Variants in ASAP1 observed in about 807,000 individuals in gnomAD.
ASAP1 encodes the protein ArfGAP with SH3 domain, ankyrin repeat and PH domain 1, also known as arf-GAP with SH3 domain, ANK repeat and PH domain-containing protein 1.
A neutral mutation model predicts 145.2 loss-of-function variants in ASAP1; 43 were observed. The ratio of observed to expected loss-of-function variants is 0.30; its 90% CI spans 0.23 to 0.38. ASAP1 has a LOEUF of 0.38. Ranked by LOEUF, ASAP1 falls within the 10% of genes least tolerant of loss-of-function variation. The pLI, the probability that ASAP1 is intolerant of heterozygous loss-of-function variation, is 1.00. For synonymous variants in ASAP1, 546 were observed against 515.5 expected (o/e 1.06, Z -0.80); for missense variants, 1,018 against 1,355.3 (o/e 0.75, Z 3.91).
At chr8:130,326,771 G>C (rs1031558529) in intron 3 of ASAP1, among the ~76,000 whole-genome samples, 5 of 152,184 alleles carry the variant, frequency 3.3e-5, no homozygotes, top group Admixed American at 2.6e-4. Flanking sequence ...ACATTTAAAA[G>C]CAAAGCATTA....
intron 3 of ASAP1, among the ~76,000 whole-genome samples, chr8:130,333,368 G>A (rs776525594): frequency 1.7e-4 from 26 of 152,322 alleles, no homozygotes; most frequent in African/African-American, 5.5e-4. Flanking sequence ...TTGGGAGGCC[G>A]AGGTGGATGG....
intron 7 of ASAP1, among the ~76,000 whole-genome samples, chr8:130,182,288 A>G (rs1489422439): frequency 6.6e-6 from 1 of 152,250 alleles, no homozygotes; most frequent in Non-Finnish European, 1.5e-5. Flanking sequence ...GCATAAGAAC[A>G]GATAATCTCC....
chr8:130,107,923 CAGG>C (rs1177355307), intron 24 of ASAP1, among the ~76,000 whole-genome samples: 1 of 152,184 alleles, frequency 6.6e-6, no homozygotes, highest in East Asian at 1.9e-4. Context: ...AAAGGCTTCT[CAGG>C]AGTTCACAGC....
chr8:130,420,454 T>A (rs1829674600), intron 1 of ASAP1, among the ~76,000 whole-genome samples: 1 of 152,094 alleles, frequency 6.6e-6, no homozygotes, highest in South Asian at 2.1e-4. Flanking sequence ...TACATTCAAA[T>A]AAATACTTGT....
chr8:130,291,797 C>A (rs980919045), intron 3 of ASAP1, among the ~76,000 whole-genome samples: 2 of 152,152 alleles, frequency 1.3e-5, no homozygotes, highest in African/African-American at 4.8e-5. Flanking sequence ...CCCAAGATGC[C>A]ATATGTTAAA....
At chr8:130,188,427 C>G (rs1814892128) in intron 5 of ASAP1, among the ~76,000 whole-genome samples, 1 of 151,906 alleles carries the variant, frequency 6.6e-6, no homozygotes, top group African/African-American at 2.4e-5. Context: ...GAGTGAGGAG[C>G]TAAGATTTGA....
chr8:130,172,900 A>T (rs1298499378), intron 9 of ASAP1, among the ~76,000 whole-genome samples: 2 of 152,360 alleles, frequency 1.3e-5, no homozygotes, highest in South Asian at 4.1e-4. Context: ...AGACTGTTAC[A>T]TACCCAGATT....
At chr8:130,230,361 T>G (rs1817840112) in intron 4 of ASAP1, among the ~76,000 whole-genome samples, 1 of 152,130 alleles carries the variant, frequency 6.6e-6, no homozygotes, top group Non-Finnish European at 1.5e-5. Flanking sequence ...ATCCAAAAAT[T>G]GAAACTTCCT....
Position 130,151,370 on chromosome 8 carries a change from C to CAAAAAAAAAAAAAAAAAAAAAAAAAAA in ASAP1, c.1080+1339_1080+1365dup, listed in dbSNP as rs58367856. Among the ~76,000 whole-genome samples, 3 of 62,854 alleles carry CAAAAAAAAAAAAAAAAAAAAAAAAAAA rather than the reference C, an allele frequency of 4.8e-5. 1 individual carries two copies. Among genetic ancestry groups the CAAAAAAAAAAAAAAAAAAAAAAAAAAA allele is most frequent in the Non-Finnish European group, 6.0e-5 (2 of 33,058 alleles). 41.2% of individuals were successfully genotyped at this position (62,854 alleles called of 152,430 possible). Reference sequence around the variant, plus strand: ...TGGGTGAAAGAGCGAGACTCAGTCTCAAAAAAAAAAAAAAAAAAAAAAAAA... The same window carrying CAAAAAAAAAAAAAAAAAAAAAAAAAAA: ...TGGGTGAAAGAGCGAGACTCAGTCTCAAAAAAAAAAAAAAAAAAAAAAAAAAAAAAAAAAAAAAAAAAAAAAAAAAAA... On this transcript the variant is annotated intron_variant, in intron 13 of 29. Transcript: ENST00000518721.
chr8:130,108,517 G>C (rs1347954026), intron 24 of ASAP1, among the ~76,000 whole-genome samples: 2 of 152,096 alleles, frequency 1.3e-5, no homozygotes, highest in African/African-American at 4.8e-5. Flanking sequence ...TAACAGGCTT[G>C]GCCGGGTGTG....
intron 27 of ASAP1, among the ~76,000 whole-genome samples, chr8:130,070,926 G>GGA (rs1202234545): frequency 4.3e-5 from 1 of 23,124 alleles, no homozygotes; most frequent in African/African-American, 2.3e-4. Flanking sequence ...GGAGAGAGAG[G>GGA]GGGAGAGAGA....
intron 1 of ASAP1, among the ~76,000 whole-genome samples, chr8:130,437,942 G>C (rs1392308359): frequency 2.0e-5 from 3 of 152,152 alleles, no homozygotes; most frequent in Non-Finnish European, 4.4e-5. Context: ...GTGCACCTTC[G>C]CACTTCCTGA....
At chr8:130,063,491 G>C (rs887388815) in intron 27 of ASAP1, among the ~76,000 whole-genome samples, 4 of 152,206 alleles carry the variant, frequency 2.6e-5, no homozygotes, top group African/African-American at 4.8e-5. Flanking sequence ...GAGGGGAAGA[G>C]GCAAGGCTGG....
intron 2 of ASAP1, among the ~76,000 whole-genome samples, chr8:130,374,478 C>T (rs906498570): frequency 1.3e-5 from 2 of 152,178 alleles, no homozygotes; most frequent in East Asian, 1.9e-4. Context: ...AAGACTAGGC[C>T]GGGCGCGGTG....
chr8:130,152,470 C>T, intron 13 of ASAP1: 1 of 273,982 alleles, frequency 3.6e-6, no homozygotes, highest in Non-Finnish European at 6.8e-6. Context: ...TCAGAACAAT[C>T]AATATTTCCC....
In ASAP1 at chr8:130,263,001, C is replaced by G. The variant is rs1339586008; in HGVS notation, c.187-26007G>C. 2.6e-5 allele frequency among the ~76,000 whole-genome samples: 4 copies of G among 152,204 alleles called. No homozygotes were observed. The East Asian group carries it at 7.7e-4, about 29-fold the overall frequency. ...TTAACCCCTTACGTTGAGAATATTTCTGCTTTTGTACAACATGGAAACAGA... is the reference window on the plus strand; with the variant it reads ...TTAACCCCTTACGTTGAGAATATTTGTGCTTTTGTACAACATGGAAACAGA... On this transcript the variant is annotated intron_variant, in intron 3 of 29. Coordinates refer to ENST00000518721, the MANE Select transcript of ASAP1 (RefSeq NM_018482.4).
At chr8:130,065,857 C>T (rs2097429603) in intron 27 of ASAP1, among the ~76,000 whole-genome samples, 1 of 152,170 alleles carries the variant, frequency 6.6e-6, no homozygotes. Context: ...TTCTTTCCTG[C>T]CTTGGTCTAC....
At chr8:130,129,027 G>A (rs367640853) in intron 15 of ASAP1, among the ~76,000 whole-genome samples, 3 of 152,202 alleles carry the variant, frequency 2.0e-5, no homozygotes, top group African/African-American at 4.8e-5. Context: ...TCAAGGTGGC[G>A]GTTTCCCCCA....
intron 4 of ASAP1, among the ~76,000 whole-genome samples, chr8:130,218,260 TTCA>T (rs2136466356): frequency 6.6e-6 from 1 of 152,276 alleles, no homozygotes; most frequent in Admixed American, 6.5e-5. Flanking sequence ...CAGCTGTGTG[TTCA>T]TTTTACCTGC....
Sources: gnomAD v4.1 joint callset for allele counts (sites outside exome capture counted in the v4.1 genomes callset) on GRCh38, gnomAD v4.1.1 for gene constraint, MANE v1.5 for transcripts, NCBI Gene and HGNC (gene_info 2026-07-23, HGNC 2026-07-21) for gene names.